COX5A: variants seen among roughly 807,000 people sequenced by gnomAD.
COX5A encodes the protein cytochrome c oxidase subunit 5A.
COX5A carries 6 observed loss-of-function variants against 16.1 expected under a neutral mutation model. The ratio of observed to expected loss-of-function variants is 0.37; its 90% CI spans 0.20 to 0.73. COX5A has a LOEUF of 0.73. Ranked by LOEUF, COX5A falls within the 30% of genes least tolerant of loss-of-function variation. The probability of loss-of-function intolerance (pLI) is 0.50; values close to 1 mark genes in which losing one functional copy is unlikely to be tolerated. For synonymous variants in COX5A, 73 were observed against 73.8 expected (o/e 0.99, Z 0.06); for missense variants, 159 against 194.9 (o/e 0.82, Z 1.10).
chr15:74,924,162 C>T (rs961347693), intron 3 of COX5A, among the ~76,000 whole-genome samples: 1 of 152,080 alleles, frequency 6.6e-6, no homozygotes, highest in Non-Finnish European at 1.5e-5. Flanking sequence ...GCCTGGGTGA[C>T]AGAACAAGAT....
chr15:74,926,907 G>A lies in COX5A; in HGVS notation c.218-20C>T. On this transcript the variant is annotated intron_variant, in intron 2 of 4. Transcript: ENST00000322347. ...TTATCCCTGCAAAATTAAAAAGAAG[G>A]GCCATGTCAACCTCGAAGAGCCTCA... 1 of 1,603,452 alleles carries A rather than the reference G, an allele frequency of 6.2e-7. No homozygotes were observed. Among genetic ancestry groups the A allele is most frequent in the Non-Finnish European group, 8.5e-7 (1 of 1,176,152 alleles).
chr15:74,933,615 T>C (rs762458889), intron 1 of COX5A, among the ~76,000 whole-genome samples: 1 of 152,108 alleles, frequency 6.6e-6, no homozygotes, highest in Non-Finnish European at 1.5e-5. Context: ...AAAGCTAGCC[T>C]TAACTGAATA....
intron 3 of COX5A, among the ~76,000 whole-genome samples, 185 bp from the exon 4 acceptor site, chr15:74,923,955 G>A (rs934356986): frequency 1.3e-5 from 2 of 152,052 alleles, no homozygotes; most frequent in Admixed American, 6.6e-5. Context: ...TGAGGCGGGC[G>A]GATCACTTGA....
rs190933311 is a variant in COX5A, at chr15:74,922,073, C to T, written c.*9+1575G>A. ...TAAACAAAAACAAACAAAAAGACCA[C>T]TCCGTTAAAGCAAGCTTTAAAACGA... is the stretch of plus-strand genomic sequence containing the variant. On this transcript the variant is annotated intron_variant, in intron 4 of 4. Coordinates refer to ENST00000322347, the MANE Select transcript of COX5A (RefSeq NM_004255.4). Among the ~76,000 whole-genome samples the T allele has an allele frequency of 3.4e-3, 516 of 152,198 alleles. 4 individuals are homozygous for T. The highest frequency in any genetic ancestry group is 5.6e-3 in the Non-Finnish European group (381 of 68,012).
At chr15:74,927,666 C>A (rs1030311486) in intron 2 of COX5A, among the ~76,000 whole-genome samples, 1 of 151,828 alleles carries the variant, frequency 6.6e-6, no homozygotes, top group Non-Finnish European at 1.5e-5. Flanking sequence ...CAGCTACTCT[C>A]GAGGCTGAGG....
intron 1 of COX5A, among the ~76,000 whole-genome samples, chr15:74,931,971 G>C (rs1161228526): frequency 6.6e-6 from 1 of 152,182 alleles, no homozygotes; most frequent in African/African-American, 2.4e-5. Flanking sequence ...TTTTATCTTT[G>C]GGTATTGAAT....
chr15:74,926,640 A>G lies in COX5A; in HGVS notation c.339+126T>C, dbSNP rs2065345860. The stretch of plus-strand genomic sequence containing the variant: ...TAGAAAGATTTTAACTGCAATGTAC[A>G]TTCCTTCTAGTTATATAAGGACTCA... On this transcript the variant is annotated intron_variant, in intron 3 of 4. Coordinates refer to ENST00000322347, the MANE Select transcript of COX5A (RefSeq NM_004255.4). 5 of 990,054 alleles carry G rather than the reference A, an allele frequency of 5.1e-6. No homozygotes were observed. The Admixed American group carries it at 1.1e-4, about 21-fold the overall frequency. The allele number at this position is 990,054 out of a possible 1,614,324, so 61.3% of individuals were successfully genotyped here. A position where few individuals can be genotyped will look rare whatever the true frequency, so the allele number is the denominator to read the frequency against.
At chr15:74,923,848 C>T (rs2065332104) in intron 3 of COX5A, 78 bp from the exon 4 acceptor site, 1 of 919,576 alleles carries the variant, frequency 1.1e-6, no homozygotes, top group Non-Finnish European at 1.8e-6. Context: ...CTTAAAAATG[C>T]CTTTAATTAC....
chr15:74,937,968 C>T lies in COX5A; in HGVS notation c.47G>A (p.Arg16Gln). 1.6e-6 allele frequency: 2 copies of T among 1,232,982 alleles called. No individual in the cohort carries two copies. Among genetic ancestry groups the T allele is most frequent in the Non-Finnish European group, 2.0e-6 (2 of 988,146 alleles). 76.4% of individuals were successfully genotyped at this position (1,232,982 alleles called of 1,614,324 possible). A position where few individuals can be genotyped will look rare whatever the true frequency, so the allele number is the denominator to read the frequency against. ...LRRCAVAATTRADPRGLLHSA... is the reference protein window; with the variant it reads ...LRRCAVAATTQADPRGLLHSA... Reference sequence around the variant, plus strand: ...GTGCAGGAGGCCTCGAGGGTCGGCCCGGGTGGTTGCGGCCACAGCGCAGCG... The same window carrying T: ...GTGCAGGAGGCCTCGAGGGTCGGCCTGGGTGGTTGCGGCCACAGCGCAGCG... The change falls in exon 1 of 5, where the codon CGG becomes CAG. Residue 16 changes from arginine (R) to glutamine (Q), a missense_variant. By Grantham distance (43) the Arg-to-Gln change is conservative. Transcript: ENST00000322347.
chr15:74,925,647 C>CA (rs1183201769), intron 3 of COX5A, among the ~76,000 whole-genome samples: 1 of 152,098 alleles, frequency 6.6e-6, no homozygotes, highest in Non-Finnish European at 1.5e-5. Flanking sequence ...CTCAGTCTCC[C>CA]AAAGTGCTGG....
At chr15:74,933,417 A>ATT (rs2065375057) in intron 1 of COX5A, among the ~76,000 whole-genome samples, 1 of 139,912 alleles carries the variant, frequency 7.1e-6, no homozygotes, top group African/African-American at 2.7e-5. Context: ...TCAAAAAAAA[A>ATT]AATATCTATC....
chr15:74,937,705 G>C (rs1225320649), intron 1 of COX5A: 5 of 366,084 alleles, frequency 1.4e-5, no homozygotes, highest in Non-Finnish European at 2.4e-5. Flanking sequence ...CGGTGGCACA[G>C]CCAGGAAGTT....
chr15:74,922,410 G>A (rs1380479027), intron 4 of COX5A, among the ~76,000 whole-genome samples: 2 of 151,494 alleles, frequency 1.3e-5, no homozygotes, highest in Non-Finnish European at 2.9e-5. Context: ...AATCTTAAAA[G>A]TAGATTACAA....
chr15:74,932,971 C>G (rs1466033211), intron 1 of COX5A, among the ~76,000 whole-genome samples: 1 of 151,934 alleles, frequency 6.6e-6, no homozygotes, highest in Admixed American at 6.6e-5. Context: ...GCTGGGATAA[C>G]AGGCATGAGC....
chr15:74,931,048 T>TAAAAA, intron 1 of COX5A, among the ~76,000 whole-genome samples: 3 of 122,958 alleles, frequency 2.4e-5, no homozygotes, highest in African/African-American at 9.4e-5. Context: ...AAAAAAAAAT[T>TAAAAA]CTCATGTTAT....
chr15:74,937,605 G>C (rs1490823422), intron 1 of COX5A: 9 of 231,598 alleles, frequency 3.9e-5, no homozygotes, highest in Admixed American at 1.1e-4. Context: ...CGCAGGGTCG[G>C]CGCTGGGGCA....
At chr15:74,925,309 AAAAT>A (rs1357703211) in intron 3 of COX5A, among the ~76,000 whole-genome samples, 3 of 152,262 alleles carry the variant, frequency 2.0e-5, no homozygotes, top group African/African-American at 7.2e-5. Flanking sequence ...CTGTCTCGAA[AAAAT>A]AAATAAACTC....
intron 1 of COX5A, among the ~76,000 whole-genome samples, chr15:74,933,419 A>ATCTATCTATCTATCTATC (rs1238161758): frequency 7.0e-6 from 1 of 143,394 alleles, no homozygotes; most frequent in Non-Finnish European, 1.6e-5. Flanking sequence ...AAAAAAAAAA[A>ATCTATCTATCTATCTATC]TATCTATCTA....
chr15:74,930,483 A>C (rs2065362300), intron 1 of COX5A, among the ~76,000 whole-genome samples: 1 of 150,410 alleles, frequency 6.6e-6, no homozygotes, highest in Non-Finnish European at 1.5e-5. Flanking sequence ...AAAAAAAAAA[A>C]CTAAGAGCAA....
Sources: gnomAD v4.1 joint callset for allele counts (sites outside exome capture counted in the v4.1 genomes callset) on GRCh38, gnomAD v4.1.1 for gene constraint, MANE v1.5 for transcripts, NCBI Gene and HGNC (gene_info 2026-07-23, HGNC 2026-07-21) for gene names.